The following PPM1L variants were observed in gnomAD, a reference collection of about 807,000 sequenced individuals.
PPM1L encodes the protein protein phosphatase, Mg2+/Mn2+ dependent 1L, also known as protein phosphatase 1L.
PPM1L carries 13 observed loss-of-function variants against 31.4 expected under a neutral mutation model. The observed-to-expected ratio is 0.41, with a 90% CI of 0.27 to 0.66. PPM1L has a LOEUF of 0.66. PPM1L is among the 30% of genes least tolerant of loss of function. PPM1L has a pLI of 0.29. For missense variants in PPM1L, 326 were observed against 453.7 expected (o/e 0.72, Z 2.56); for synonymous variants, 184 against 175.4 (o/e 1.05, Z -0.39).
intron 1 of PPM1L, among the ~76,000 whole-genome samples, chr3:160,916,399 C>T (rs1024038783): frequency 3.9e-5 from 6 of 151,968 alleles, no homozygotes; most frequent in Non-Finnish European, 5.9e-5. Context: ...TTTTGACCAC[C>T]GGAAATTATT....
chr3:160,838,216 C>T (rs138568367), intron 1 of PPM1L, among the ~76,000 whole-genome samples: 180 of 152,220 alleles, frequency 1.2e-3, no homozygotes, highest in African/African-American at 4.0e-3. Context: ...GAGGGAATGG[C>T]AAATTATATC....
chr3:161,066,012 C>G (rs755336443), intron 3 of PPM1L, among the ~76,000 whole-genome samples: 1 of 152,254 alleles, frequency 6.6e-6, no homozygotes, highest in African/African-American at 2.4e-5. Flanking sequence ...CACACTGTGG[C>G]AAGGGCCTTC....
chr3:160,886,683 T>C (rs943237098), intron 1 of PPM1L, among the ~76,000 whole-genome samples: 1 of 151,202 alleles, frequency 6.6e-6, no homozygotes, highest in African/African-American at 2.4e-5. Context: ...CAACAAAAAG[T>C]CCCCACAAAA....
intron 1 of PPM1L, among the ~76,000 whole-genome samples, chr3:160,934,772 G>T (rs1714904978): frequency 6.6e-6 from 1 of 152,094 alleles, no homozygotes; most frequent in East Asian, 1.9e-4. Flanking sequence ...GGGCAATGTG[G>T]TGAAACCCTG....
At chr3:160,825,601 G>A (rs918774337) in intron 1 of PPM1L, among the ~76,000 whole-genome samples, 2 of 152,046 alleles carry the variant, frequency 1.3e-5, no homozygotes, top group Admixed American at 6.6e-5. Context: ...AGTCACTAAG[G>A]GCAACACTAT....
At chr3:160,804,940 G>A (rs985549716) in intron 1 of PPM1L, among the ~76,000 whole-genome samples, 1 of 152,178 alleles carries the variant, frequency 6.6e-6, no homozygotes, top group African/African-American at 2.4e-5. Flanking sequence ...ATTGACCTTG[G>A]GGAGGAGTTT....
At chr3:161,007,214 A>G (rs546750218) in intron 2 of PPM1L, among the ~76,000 whole-genome samples, 1 of 152,350 alleles carries the variant, frequency 6.6e-6, no homozygotes, top group East Asian at 1.9e-4. Context: ...GATGGTGTCA[A>G]GGGCTCCAGA....
chr3:160,987,521 G>A (rs552098291), intron 2 of PPM1L, among the ~76,000 whole-genome samples: 2 of 152,348 alleles, frequency 1.3e-5, no homozygotes, highest in African/African-American at 4.8e-5. Flanking sequence ...TTTAGCATCA[G>A]TGTATATACA....
In PPM1L at chr3:160,915,477, A is replaced by ATACTACG. The variant is rs1309832873; in HGVS notation, c.400-46253_400-46252insGTACTAC. Among the ~76,000 whole-genome samples the ATACTACG allele has an allele frequency of 2.6e-4, 39 of 152,074 alleles. 1 individual carries two copies. The highest frequency in any genetic ancestry group is 8.7e-4 in the African/African-American group (36 of 41,480). On this transcript the variant is annotated intron_variant, in intron 1 of 3. Transcript: ENST00000498165. ...AAGAATCAGTATCATGAAAATGGCC[A>ATACTACG]TACTACCCAAGGTAATTTATAGATT...
At chr3:160,781,323 A>G (rs1476021983) in intron 1 of PPM1L, among the ~76,000 whole-genome samples, 1 of 152,224 alleles carries the variant, frequency 6.6e-6, no homozygotes, top group Non-Finnish European at 1.5e-5. Context: ...CTTTAAAAGC[A>G]TGTCTGCTGG....
chr3:161,037,412 CTTTTT>C (rs59883046), intron 2 of PPM1L, among the ~76,000 whole-genome samples: 1 of 99,488 alleles, frequency 1.0e-5, no homozygotes, highest in Admixed American at 1.2e-4. Flanking sequence ...CCTACTTGAG[CTTTTT>C]TTTTTTTTTT....
chr3:160,915,851 G>C (rs1240288481), intron 1 of PPM1L, among the ~76,000 whole-genome samples: 1 of 152,154 alleles, frequency 6.6e-6, no homozygotes, highest in Non-Finnish European at 1.5e-5. Context: ...AAACTGGCTA[G>C]CCATATGTAG....
intron 2 of PPM1L, among the ~76,000 whole-genome samples, chr3:161,033,839 A>G (rs1225421852): frequency 6.6e-6 from 1 of 152,224 alleles, no homozygotes; most frequent in Non-Finnish European, 1.5e-5. Context: ...CAAACTGACA[A>G]ATAAGATATA....
At position 160,934,814 on chromosome 3, in the gene PPM1L, A is replaced by C. The variant is rs577429411; in HGVS notation, c.400-26922A>C. On this transcript the variant is annotated intron_variant, in intron 1 of 3. Coordinates refer to ENST00000498165, the MANE Select transcript of PPM1L (RefSeq NM_139245.4). Reference sequence around the variant, plus strand: ...CAAAAAGTACAAAAATTTGCTGGATATGGTGGTGCATGCCTGTAGTCCCAG... The same window carrying C: ...CAAAAAGTACAAAAATTTGCTGGATCTGGTGGTGCATGCCTGTAGTCCCAG... Among the ~76,000 whole-genome samples the C allele has an allele frequency of 4.6e-4, 70 of 152,192 alleles. 1 individual carries two copies. In the South Asian group the frequency reaches 0.014, roughly 30 times the overall value.
At chr3:160,902,146 A>AT (rs1259911060) in intron 1 of PPM1L, among the ~76,000 whole-genome samples, 2 of 151,922 alleles carry the variant, frequency 1.3e-5, no homozygotes, top group African/African-American at 4.8e-5. Context: ...AAAATTAAGC[A>AT]TTTTTCTGTT....
intron 2 of PPM1L, among the ~76,000 whole-genome samples, chr3:161,028,619 G>C (rs1388263009): frequency 2.0e-5 from 3 of 152,180 alleles, no homozygotes; most frequent in African/African-American, 7.2e-5. Context: ...GGGCCAGCAT[G>C]GTTGTTGCTG....
intron 2 of PPM1L, among the ~76,000 whole-genome samples, chr3:161,008,312 GAACA>G (rs1260647708): frequency 6.6e-6 from 1 of 152,190 alleles, no homozygotes; most frequent in African/African-American, 2.4e-5. Context: ...AGAAAAATCT[GAACA>G]GACAAGCCTT....
chr3:161,036,095 C>G (rs957761793), intron 2 of PPM1L: 1 of 152,130 alleles, frequency 6.6e-6, no homozygotes, highest in African/African-American at 2.4e-5. Context: ...TTTGAAATTA[C>G]TTTGGGGACA....
In PPM1L at chr3:160,767,148, A is replaced by G. The variant is rs1390581912; in HGVS notation, c.399+10441A>G. 2.6e-5 allele frequency among the ~76,000 whole-genome samples: 4 copies of G among 152,024 alleles called. No homozygotes were observed. The East Asian group carries it at 7.7e-4, about 29-fold the overall frequency. ...TAGGCTGTATTTCTGAGACTCACAG[A>G]CTTTTTACCATACCATCCACCATTA... On this transcript the variant is annotated intron_variant, in intron 1 of 3. Coordinates refer to ENST00000498165, the MANE Select transcript of PPM1L (RefSeq NM_139245.4).
Sources: allele counts gnomAD v4.1 joint callset (sites outside exome capture counted in the v4.1 genomes callset), GRCh38; gene constraint gnomAD v4.1.1; transcripts MANE v1.5; gene names NCBI Gene and HGNC (gene_info 2026-07-23, HGNC 2026-07-21).